Variants in SLC7A8 observed in about 807,000 individuals in gnomAD.
SLC7A8 encodes solute carrier family 7 member 8.
SLC7A8 carries 30 observed loss-of-function variants against 51.2 expected under a neutral mutation model. The ratio of observed to expected loss-of-function variants is 0.59; its 90% CI spans 0.44 to 0.80. The LOEUF is 0.80. Ranked by LOEUF, SLC7A8 falls within the 30% of genes least tolerant of loss-of-function variation. SLC7A8 has a pLI of 0.00. For missense variants in SLC7A8, 612 were observed against 674.4 expected (o/e 0.91, Z 1.03); for synonymous variants, 257 against 275.8 (o/e 0.93, Z 0.67).
Position 23,127,007 on chromosome 14 carries a change from T to C in SLC7A8, c.*170A>G. On this transcript the variant is annotated 3_prime_UTR_variant, in exon 11 of 11. Coordinates refer to ENST00000316902, the MANE Select transcript of SLC7A8 (RefSeq NM_012244.4). ...GGGTGAGAGGCTGGTTCTTTGGGTA[T>C]GAATGTCAGTTTTTGTTTACAATTT... is the stretch of plus-strand genomic sequence containing the variant. 3 of 780,484 alleles carry C rather than the reference T, an allele frequency of 3.8e-6. No homozygotes were observed. The South Asian group carries it at 5.3e-5, about 14-fold the overall frequency. The allele number at this position is 780,484 out of a possible 1,614,324, so 48.3% of individuals were successfully genotyped here.
intron 3 of SLC7A8, among the ~76,000 whole-genome samples, chr14:23,159,773 T>A (rs932613420): frequency 3.9e-5 from 6 of 152,206 alleles, no homozygotes; most frequent in South Asian, 2.1e-4. Flanking sequence ...CTCAGGAGTT[T>A]GAAGCAACAC....
chr14:23,154,962 TAA>T (rs201310696), intron 3 of SLC7A8, among the ~76,000 whole-genome samples: 12 of 34,942 alleles, frequency 3.4e-4, no homozygotes, highest in Admixed American at 8.3e-4. Flanking sequence ...AGAAAAACGT[TAA>T]AAAAAAAAAA....
intron 1 of SLC7A8, among the ~76,000 whole-genome samples, chr14:23,178,636 TG>T (rs1211896249): frequency 6.6e-6 from 1 of 151,886 alleles, no homozygotes; most frequent in African/African-American, 2.4e-5. Context: ...AAGGTTTTGT[TG>T]GGCACGGTGG....
At chr14:23,162,658 C>T (rs1482199228) in intron 3 of SLC7A8, among the ~76,000 whole-genome samples, 2 of 152,122 alleles carry the variant, frequency 1.3e-5, no homozygotes, top group African/African-American at 4.8e-5. Context: ...CATTCTGGAG[C>T]AGGGCTACAG....
intron 3 of SLC7A8, among the ~76,000 whole-genome samples, chr14:23,144,630 A>T (rs1010250493): frequency 2.0e-5 from 3 of 152,084 alleles, no homozygotes; most frequent in Non-Finnish European, 4.4e-5. Context: ...TCCCAACCTT[A>T]TTTGATGCTG....
intron 1 of SLC7A8, among the ~76,000 whole-genome samples, chr14:23,173,294 G>GA (rs888190507): frequency 2.0e-5 from 3 of 151,966 alleles, no homozygotes; most frequent in Admixed American, 6.6e-5. Flanking sequence ...TTAATGGGTG[G>GA]AAAAAAAATC....
At chr14:23,146,358 G>A (rs1272363888) in intron 3 of SLC7A8, among the ~76,000 whole-genome samples, 41 of 152,128 alleles carry the variant, frequency 2.7e-4, no homozygotes, top group Admixed American at 2.7e-3. Flanking sequence ...GGGCAGAGCA[G>A]GACAACTCAA....
At position 23,128,505 on chromosome 14, in the gene SLC7A8, C is replaced by A; in HGVS notation, c.1264-309G>T. 1 of 702,872 alleles carries A rather than the reference C, an allele frequency of 1.4e-6. No individual in the cohort carries two copies. The highest frequency in any genetic ancestry group is 2.2e-6 in the Non-Finnish European group (1 of 451,034). 43.5% of individuals were successfully genotyped at this position (702,872 alleles called of 1,614,324 possible). ...GGCCTCATCATGCATGCCATGTGCC[C>A]GTGGCAGCCAGAGAAGCCCACAGGG... On this transcript the variant is annotated intron_variant, in intron 9 of 10. Transcript: ENST00000316902. The surrounding 1 kb of genome is among the most constrained non-coding windows in gnomAD (Gnocchi z 4.3).
intron 3 of SLC7A8, among the ~76,000 whole-genome samples, chr14:23,146,345 T>C (rs2048793847): frequency 1.3e-5 from 2 of 151,770 alleles, no homozygotes; most frequent in Non-Finnish European, 2.9e-5. Context: ...TTGAGGAAAA[T>C]AAGGGCAGAG....
At position 23,155,223 on chromosome 14, in the gene SLC7A8, G is replaced by A. The variant is rs866047400; in HGVS notation, c.508+10062C>T. Reference sequence around the variant, plus strand: ...GGAGAGGAGGTGCTCTGAGCCTTCCGGAAGGGCCTCTCTCTTCCAAGGACA... The same window carrying A: ...GGAGAGGAGGTGCTCTGAGCCTTCCAGAAGGGCCTCTCTCTTCCAAGGACA... On this transcript the variant is annotated intron_variant, in intron 3 of 10. Transcript: ENST00000316902. The A allele has an allele frequency of 5.2e-6, 8 of 1,535,934 alleles. No individual in the cohort carries two copies. The African/African-American group carries it at 9.6e-5, about 18-fold the overall frequency.
In SLC7A8 at chr14:23,131,601, C is replaced by T. The variant is rs531436229; in HGVS notation, c.1017-44G>A. On this transcript the variant is annotated intron_variant, in intron 7 of 10. Transcript: ENST00000316902. ...GGTCAGCCTGGGATAACCCAGGGAC[C>T]ACCAAGCCCCAGCTCCTTCATCCTT... The T allele has an allele frequency of 2.7e-6, 4 of 1,467,302 alleles. No homozygotes were observed. In the East Asian group the frequency reaches 9.7e-5, roughly 35 times the overall value. 90.9% of individuals were successfully genotyped at this position (1,467,302 alleles called of 1,614,324 possible). A position where few individuals can be genotyped will look rare whatever the true frequency, so the allele number is the denominator to read the frequency against.
chr14:23,146,064 C>A (rs1463551770), intron 3 of SLC7A8, among the ~76,000 whole-genome samples: 1 of 152,222 alleles, frequency 6.6e-6, no homozygotes, highest in Non-Finnish European at 1.5e-5. Context: ...TCACTCTAAA[C>A]AACTGGGTCT....
Position 23,126,920 on chromosome 14 carries a change from C to T in SLC7A8, c.*257G>A, listed in dbSNP as rs984147185. ...TCCTGCAGGGCACCTTGGCATCTCC[C>T]CTCTCCTCCAGCAGCTGGGAGTGTG... On this transcript the variant is annotated 3_prime_UTR_variant, in exon 11 of 11. Coordinates refer to ENST00000316902, the MANE Select transcript of SLC7A8 (RefSeq NM_012244.4). The T allele has an allele frequency of 5.7e-6, 3 of 522,818 alleles. No individual in the cohort carries two copies. The East Asian group carries it at 9.7e-5, about 17-fold the overall frequency. 32.4% of individuals were successfully genotyped at this position (522,818 alleles called of 1,614,324 possible).
At chr14:23,138,593 A>T (rs1206452128) in intron 6 of SLC7A8, among the ~76,000 whole-genome samples, 1 of 152,238 alleles carries the variant, frequency 6.6e-6, no homozygotes, top group Non-Finnish European at 1.5e-5. Flanking sequence ...CAATTCATCA[A>T]AACAGATGAG....
chr14:23,129,581 T>C, intron 9 of SLC7A8, 69 bp downstream of exon 9: 1 of 1,556,496 alleles, frequency 6.4e-7, no homozygotes, highest in South Asian at 1.2e-5. Flanking sequence ...ACAGAGGTGA[T>C]TTAAAAATCT....
chr14:23,160,342 C>T (rs1444488841), intron 3 of SLC7A8, among the ~76,000 whole-genome samples: 2 of 152,044 alleles, frequency 1.3e-5, no homozygotes, highest in Non-Finnish European at 2.9e-5. Flanking sequence ...GAGGCCAAGG[C>T]GGGTGGATCA....
rs1171077981 is a variant in SLC7A8, at chr14:23,126,706, TC to T, written c.*470del. 4 of 162,614 alleles carry T rather than the reference TC, an allele frequency of 2.5e-5. No homozygotes were observed. Among genetic ancestry groups the T allele is most frequent in the Non-Finnish European group, 5.4e-5 (4 of 73,984 alleles). The allele number at this position is 162,614 out of a possible 1,614,324, so 10.1% of individuals were successfully genotyped here. On this transcript the variant is annotated 3_prime_UTR_variant, in exon 11 of 11. Transcript: ENST00000316902. ...GGGAAGCATCCCCTTGGATTTTGGG[TC>T]CCTGGTGAACAGATAGGGTCTTGGG...
intron 6 of SLC7A8, among the ~76,000 whole-genome samples, chr14:23,138,591 C>T (rs2048713048): frequency 6.6e-6 from 1 of 152,152 alleles, no homozygotes; most frequent in East Asian, 1.9e-4. Flanking sequence ...CTCAATTCAT[C>T]AAAACAGATG....
At chr14:23,131,439 T>C in intron 8 of SLC7A8, 22 bp downstream of exon 8, 1 of 1,544,010 alleles carries the variant, frequency 6.5e-7, no homozygotes, top group South Asian at 1.2e-5. Flanking sequence ...GTGTGGAGAG[T>C]TACAGCAGGA....
Sources: gnomAD v4.1 joint callset for allele counts (sites outside exome capture counted in the v4.1 genomes callset) on GRCh38, gnomAD v4.1.1 for gene constraint, Gnocchi (gnomAD v3.1) non-coding constraint, MANE v1.5 for transcripts, NCBI Gene and HGNC (gene_info 2026-07-23, HGNC 2026-07-21) for gene names.